Variants in ADRA1A observed in about 807,000 individuals in gnomAD.
ADRA1A encodes alpha-1A adrenergic receptor.
ADRA1A carries 31 observed loss-of-function variants against 29.6 expected under a neutral mutation model. The ratio of observed to expected loss-of-function variants is 1.05; its 90% CI spans 0.79 to 1.41. The LOEUF (loss-of-function observed/expected upper bound fraction) is 1.41, where lower values mean the gene tolerates loss of function less well. Ranked by LOEUF, ADRA1A falls within the 40% of genes most tolerant of loss-of-function variation. The pLI, the probability that ADRA1A is intolerant of heterozygous loss-of-function variation, is 0.00. For synonymous variants in ADRA1A, 311 were observed against 254.3 expected, an observed-to-expected ratio of 1.22 and a Z score of -2.12; for missense variants, 619 against 601.1, an observed-to-expected ratio of 1.03 and a Z score of -0.31.
At chr8:26,792,888 AAATAAAT>A in intron 2 of ADRA1A, among the ~76,000 whole-genome samples, 1 of 151,484 alleles carries the variant, frequency 6.6e-6, no homozygotes, top group East Asian at 1.9e-4. Flanking sequence ...TGAATTACAA[AAATAAAT>A]GTAAATGGAT....
At chr8:26,777,072 A>G (rs6557946) in intron 2 of ADRA1A, among the ~76,000 whole-genome samples, 83,626 of 151,924 alleles carry the variant, frequency 0.55, 24,726 homozygotes, top group East Asian at 0.9. Flanking sequence ...GAGACAAGCT[A>G]TAGAGTCAAA....
At chr8:26,858,150 A>G (rs931984153) in intron 2 of ADRA1A, among the ~76,000 whole-genome samples, 3 of 152,180 alleles carry the variant, frequency 2.0e-5, no homozygotes, top group Admixed American at 2.0e-4. Context: ...CATAATCCTC[A>G]AATATTCTAT....
chr8:26,763,807 T>C (rs1805635990), downstream of ADRA1A, among the ~76,000 whole-genome samples: 1 of 152,140 alleles, frequency 6.6e-6, no homozygotes, highest in African/African-American at 2.4e-5. The surrounding 1 kb of genome is among the most constrained non-coding windows in gnomAD (Gnocchi z 4.5). Context: ...GGTTTTTACA[T>C]TTTAGAGGGT....
chr8:26,801,858 G>C (rs1182867859), intron 2 of ADRA1A, among the ~76,000 whole-genome samples: 1 of 152,058 alleles, frequency 6.6e-6, no homozygotes, highest in Non-Finnish European at 1.5e-5. Context: ...ATAGAGCTAT[G>C]GTAACCATAA....
rs889402309 is a variant in ADRA1A, at chr8:26,787,462, C to T, written c.884-16796G>A. ...TTGACAAAATGCAACTAATAAAGTA[C>T]GCCTAAAAAACAATCAGGTAAGATT... is the stretch of plus-strand genomic sequence containing the variant. On this transcript the variant is annotated intron_variant, in intron 2 of 2. Transcript: ENST00000380573. This position sits in a 1 kb window ranked among gnomAD's most constrained non-coding sequence, Gnocchi z 4.2. 1.3e-5 allele frequency among the ~76,000 whole-genome samples: 2 copies of T among 151,930 alleles called. No individual in the cohort carries two copies. The highest frequency in any genetic ancestry group is 2.1e-4 in the South Asian group (1 of 4,814).
intron 2 of ADRA1A, among the ~76,000 whole-genome samples, chr8:26,849,676 C>G (rs1812467966): frequency 6.6e-6 from 1 of 152,166 alleles, no homozygotes; most frequent in Non-Finnish European, 1.5e-5. Context: ...AGGTCACCCT[C>G]TATGAGGTTG....
chr8:26,758,446 A>G (rs2130189518), intron 2 of ADRA1A, among the ~76,000 whole-genome samples: 1 of 152,326 alleles, frequency 6.6e-6, no homozygotes. Flanking sequence ...GGAAATGAAG[A>G]TGGGAATAGA....
At chr8:26,752,473 G>T (rs1165510753), downstream of ADRA1A, among the ~76,000 whole-genome samples, 1 of 152,182 alleles carries the variant, frequency 6.6e-6, no homozygotes, top group African/African-American at 2.4e-5. Flanking sequence ...TGGCTTCCAG[G>T]TATCCCTTTT....
chr8:26,798,911 T>G (rs1280262507), intron 2 of ADRA1A, among the ~76,000 whole-genome samples: 1 of 152,204 alleles, frequency 6.6e-6, no homozygotes, highest in Non-Finnish European at 1.5e-5. Context: ...TTACATTTCT[T>G]TCTTTTTTCT....
At chr8:26,833,185 G>A (rs1219584576) in intron 2 of ADRA1A, among the ~76,000 whole-genome samples, 1 of 152,126 alleles carries the variant, frequency 6.6e-6, no homozygotes, top group African/African-American at 2.4e-5. Flanking sequence ...AAGCCTCACT[G>A]GACCCCATTC....
intron 2 of ADRA1A, among the ~76,000 whole-genome samples, chr8:26,850,605 T>G (rs1227526643): frequency 6.6e-6 from 1 of 152,186 alleles, no homozygotes; most frequent in Non-Finnish European, 1.5e-5. Flanking sequence ...AAGTGATTCT[T>G]GTGCCTCAGG....
In ADRA1A at chr8:26,831,534, G is replaced by C. The variant is rs145132866; in HGVS notation, c.883+32553C>G. Among the ~76,000 whole-genome samples the C allele has an allele frequency of 6.6e-6, 1 of 152,102 alleles. No individual in the cohort carries two copies. Among genetic ancestry groups the C allele is most frequent in the Non-Finnish European group, 1.5e-5 (1 of 68,008 alleles). Reference sequence around the variant, plus strand: ...AGTTTGGAAAGGGTGTAGAGGTCACGGAAGTGTCAGGTCACACCCAATGTC... The same window carrying C: ...AGTTTGGAAAGGGTGTAGAGGTCACCGAAGTGTCAGGTCACACCCAATGTC... On this transcript the variant is annotated intron_variant, in intron 2 of 2. Transcript: ENST00000380573. The surrounding 1 kb of genome is among the most constrained non-coding windows in gnomAD (Gnocchi z 5.2).
downstream of ADRA1A, among the ~76,000 whole-genome samples, chr8:26,752,427 G>C (rs1484143729): frequency 1.3e-5 from 2 of 152,186 alleles, no homozygotes; most frequent in Non-Finnish European, 1.5e-5. Context: ...TGGCAACAAA[G>C]AAAAGGGAAG....
At chr8:26,798,184 G>T (rs1186182515) in intron 2 of ADRA1A, among the ~76,000 whole-genome samples, 2 of 152,152 alleles carry the variant, frequency 1.3e-5, no homozygotes, top group African/African-American at 4.8e-5. Flanking sequence ...TTGCCATGTT[G>T]GCAAGGCTGG....
At chr8:26,844,971 A>G (rs181739005) in intron 2 of ADRA1A, among the ~76,000 whole-genome samples, 3 of 152,104 alleles carry the variant, frequency 2.0e-5, no homozygotes, top group African/African-American at 7.2e-5. Flanking sequence ...AAGTTTATGA[A>G]TTTTTATTGG....
chr8:26,856,718 G>A (rs1260503853), intron 2 of ADRA1A, among the ~76,000 whole-genome samples: 1 of 152,106 alleles, frequency 6.6e-6, no homozygotes, highest in East Asian at 1.9e-4. Context: ...ACCACCCTTA[G>A]CCACAGGACA....
Position 26,841,860 on chromosome 8 carries a change from C to A in ADRA1A, c.883+22227G>T, listed in dbSNP as rs1563298826. Among the ~76,000 whole-genome samples, 1 of 152,138 alleles carries A rather than the reference C, an allele frequency of 6.6e-6. No homozygotes were observed. Among genetic ancestry groups the A allele is most frequent in the East Asian group, 1.9e-4 (1 of 5,198 alleles). The stretch of plus-strand genomic sequence containing the variant: ...CTGCATTTGATATTGGCGCCACTTT[C>A]TCTTCACTAAAATTCTCTCTTCTTT... On this transcript the variant is annotated intron_variant, in intron 2 of 2. Coordinates refer to ENST00000380573, the MANE Select transcript of ADRA1A (RefSeq NM_000680.4). The surrounding 1 kb of genome is among the most constrained non-coding windows in gnomAD (Gnocchi z 4.4).
downstream of ADRA1A, among the ~76,000 whole-genome samples, chr8:26,762,849 C>A (rs1260955531): frequency 6.6e-6 from 1 of 152,174 alleles, no homozygotes; most frequent in Non-Finnish European, 1.5e-5. The surrounding 1 kb of genome is among the most constrained non-coding windows in gnomAD (Gnocchi z 4.0). Flanking sequence ...GCAGGAACTG[C>A]ACCTTATTTC....
At chr8:26,812,677 T>C (rs1809477781) in intron 2 of ADRA1A, among the ~76,000 whole-genome samples, 1 of 151,492 alleles carries the variant, frequency 6.6e-6, no homozygotes, top group Non-Finnish European at 1.5e-5. Flanking sequence ...TTATTATTAT[T>C]TTTTTGAGAT....
Sources: allele counts gnomAD v4.1 joint callset (sites outside exome capture counted in the v4.1 genomes callset), GRCh38; gene constraint gnomAD v4.1.1; non-coding constraint Gnocchi (gnomAD v3.1); transcripts MANE v1.5; gene names NCBI Gene and HGNC (gene_info 2026-07-23, HGNC 2026-07-21).